PDE11A: variants seen among roughly 807,000 people sequenced by gnomAD.
PDE11A encodes the protein phosphodiesterase 11A.
Under a neutral mutation model 100.5 loss-of-function variants are expected in PDE11A, and 100 were observed. The ratio of observed to expected loss-of-function variants is 1.00; its 90% CI spans 0.85 to 1.18. The LOEUF (loss-of-function observed/expected upper bound fraction) is 1.18, where lower values mean the gene tolerates loss of function less well. Ranked by LOEUF, PDE11A falls within the 50% of genes most tolerant of loss-of-function variation. The pLI is 0.00. For synonymous variants in PDE11A, 381 were observed against 420.8 expected, an observed-to-expected ratio of 0.91 and a Z score of 1.16; for missense variants, 1,141 against 1,152.6, an observed-to-expected ratio of 0.99 and a Z score of 0.15.
chr2:177,805,851 A>G (rs897303900), intron 9 of PDE11A, among the ~76,000 whole-genome samples: 4 of 152,190 alleles, frequency 2.6e-5, no homozygotes, highest in African/African-American at 9.6e-5. Flanking sequence ...AAAAAGAGAC[A>G]AAGCAAAAAT....
chr2:177,917,797 T>A (rs1161016543), intron 2 of PDE11A, among the ~76,000 whole-genome samples: 5 of 152,234 alleles, frequency 3.3e-5, no homozygotes, highest in Non-Finnish European at 7.3e-5. Flanking sequence ...ATCTTTTTTT[T>A]AATTTCCAAA....
chr2:177,685,829 A>G (rs2080940015), intron 15 of PDE11A, among the ~76,000 whole-genome samples: 1 of 152,292 alleles, frequency 6.6e-6, no homozygotes, highest in African/African-American at 2.4e-5. Context: ...GGCCTCCCAT[A>G]GTGCTGGGAT....
chr2:177,708,208 C>T (rs555371650), intron 13 of PDE11A, among the ~76,000 whole-genome samples: 8 of 145,378 alleles, frequency 5.5e-5, no homozygotes, highest in Admixed American at 4.2e-4. Flanking sequence ...ATAGCAAAGA[C>T]ATGGAATCCT....
In PDE11A at chr2:178,096,169, C is replaced by CTTTTTTTTTTTTTTTTTTTTTTTT. The variant is rs71010857; in HGVS notation, c.162+8132_162+8133insAAAAAAAAAAAAAAAAAAAAAAAA. Among the ~76,000 whole-genome samples, 13 of 120,128 alleles carry CTTTTTTTTTTTTTTTTTTTTTTTT rather than the reference C, an allele frequency of 1.1e-4. 1 individual carries two copies. Among genetic ancestry groups the CTTTTTTTTTTTTTTTTTTTTTTTT allele is most frequent in the African/African-American group, 2.6e-4 (8 of 31,012 alleles). The allele number at this position is 120,128 out of a possible 152,430, so 78.8% of individuals were successfully genotyped here. The stretch of plus-strand genomic sequence containing the variant: ...AGAAAACAGGTTTTTCTTTTCTTTT[C>CTTTTTTTTTTTTTTTTTTTTTTTT]TTTTTTTTTTTTGAGATGGAGTCTC... On this transcript the variant is annotated intron_variant, in intron 2 of 20. Coordinates refer to the PDE11A transcript ENST00000358450.
chr2:178,050,693 A>G (rs886563759), intron 1 of PDE11A, among the ~76,000 whole-genome samples: 2 of 152,248 alleles, frequency 1.3e-5, no homozygotes, highest in Non-Finnish European at 2.9e-5. Context: ...CCATGGCACG[A>G]GAACTACGTG....
chr2:177,641,880 G>C (rs1271699039), intron 19 of PDE11A, among the ~76,000 whole-genome samples: 1 of 152,104 alleles, frequency 6.6e-6, no homozygotes, highest in African/African-American at 2.4e-5. Flanking sequence ...AGACACTGTG[G>C]TATATTTGTG....
At chr2:177,929,487 A>G (rs1441264581) in intron 2 of PDE11A, among the ~76,000 whole-genome samples, 1 of 152,194 alleles carries the variant, frequency 6.6e-6, no homozygotes, top group African/African-American at 2.4e-5. Context: ...TAAGGGCTGC[A>G]TCAGTATTTT....
intron 9 of PDE11A, among the ~76,000 whole-genome samples, chr2:177,772,884 A>T (rs1171896493): frequency 2.0e-5 from 3 of 152,198 alleles, no homozygotes; most frequent in African/African-American, 7.2e-5. Context: ...CCTCTGTCAG[A>T]CATATGTTTC....
chr2:177,926,421 T>C (rs2085124852), intron 2 of PDE11A, among the ~76,000 whole-genome samples: 1 of 152,204 alleles, frequency 6.6e-6, no homozygotes, highest in Admixed American at 6.5e-5. Context: ...TCTAAAAGAA[T>C]CAGCTTAAGG....
At chr2:178,050,597 T>C (rs1469222705) in intron 1 of PDE11A, among the ~76,000 whole-genome samples, 1 of 152,088 alleles carries the variant, frequency 6.6e-6, no homozygotes, top group Admixed American at 6.6e-5. Flanking sequence ...GCAAAGAAGC[T>C]AAAAACCTTG....
At position 177,916,727 on chromosome 2, in the gene PDE11A, TC is replaced by T. The variant is rs1490745475; in HGVS notation, c.1072-11541del. ...CTAGAGGACATTTCAACTTGAAGGT[TC>T]TTTTTATTTTATTTTATTTTATTAT... On this transcript the variant is annotated intron_variant, in intron 2 of 19. Coordinates refer to ENST00000286063, the MANE Select transcript of PDE11A (RefSeq NM_016953.4). 3.6e-5 allele frequency among the ~76,000 whole-genome samples: 5 copies of T among 139,422 alleles called. 1 individual carries two copies. Among genetic ancestry groups the T allele is most frequent in the South Asian group, 4.6e-4 (2 of 4,334 alleles). The allele number at this position is 139,422 out of a possible 152,430, so 91.5% of individuals were successfully genotyped here.
chr2:178,100,161 T>C (rs1233006965), intron 2 of PDE11A, among the ~76,000 whole-genome samples: 2 of 152,148 alleles, frequency 1.3e-5, no homozygotes, highest in Non-Finnish European at 2.9e-5. Context: ...AAATGGATGG[T>C]GGTTATGGTT....
Position 177,711,801 on chromosome 2 carries a change from G to A in PDE11A, c.2121C>T (p.Asp707=). ...GGAAGGCATTGTTGGTTCCCCTGTG[G>A]TCGAGGTCATGACACAGGCATCCCA... is the stretch of plus-strand genomic sequence containing the variant. ...VIVGCLCHDL[D]HRGTNNAFQA... Residue 707 remains aspartate, a synonymous_variant, in exon 13 of 20, where the codon GAC becomes GAT. Transcript: ENST00000286063. The A allele has an allele frequency of 6.2e-7, 1 of 1,607,364 alleles. No homozygotes were observed. Among genetic ancestry groups the A allele is most frequent in the Non-Finnish European group, 8.5e-7 (1 of 1,173,936 alleles).
chr2:177,700,402 CAAAA>C (rs3056937), intron 14 of PDE11A, among the ~76,000 whole-genome samples: 28 of 145,070 alleles, frequency 1.9e-4, no homozygotes, highest in South Asian at 4.3e-4. Flanking sequence ...TTCCTGGCCT[CAAAA>C]AAAAAAAAAA....
chr2:178,068,711 G>T, intron 1 of PDE11A, among the ~76,000 whole-genome samples: 1 of 151,166 alleles, frequency 6.6e-6, no homozygotes, highest in East Asian at 2.0e-4. Context: ...GAAGGTTGTC[G>T]GTTTTCATTA....
chr2:178,009,615 G>A (rs1341910688), intron 2 of PDE11A, among the ~76,000 whole-genome samples: 1 of 152,118 alleles, frequency 6.6e-6, no homozygotes, highest in Non-Finnish European at 1.5e-5. Flanking sequence ...AGGAAAAGGT[G>A]GCAGGGAATG....
At chr2:177,849,184 C>T (rs114364178) in intron 5 of PDE11A, among the ~76,000 whole-genome samples, 3,105 of 152,246 alleles carry the variant, frequency 0.02, 60 homozygotes, top group South Asian at 0.045. Context: ...CATCCTTACA[C>T]GGATGTCAGC....
intron 2 of PDE11A, chr2:177,998,230 G>T (rs866961743): frequency 1.2e-6 from 1 of 829,196 alleles, no homozygotes; most frequent in African/African-American, 1.7e-5. Flanking sequence ...TCTAGGACGT[G>T]TTTGGATTCA....
At chr2:177,637,499 T>C (rs1420382989) in intron 19 of PDE11A, among the ~76,000 whole-genome samples, 1 of 152,096 alleles carries the variant, frequency 6.6e-6, no homozygotes, top group African/African-American at 2.4e-5. Context: ...TCAAAGATCC[T>C]GTTCTGGATT....
Sources: allele counts gnomAD v4.1 joint callset (sites outside exome capture counted in the v4.1 genomes callset), GRCh38; gene constraint gnomAD v4.1.1; transcripts MANE v1.5; gene names NCBI Gene and HGNC (gene_info 2026-07-23, HGNC 2026-07-21).